The following DSCAML1 variants were observed in gnomAD, a reference collection of about 807,000 sequenced individuals.
DSCAML1 encodes cell adhesion molecule DSCAML1.
Under a neutral mutation model 200.5 loss-of-function variants are expected in DSCAML1, and 38 were observed. The observed-to-expected ratio is 0.19, with a 90% confidence interval of 0.15 to 0.25. DSCAML1 has a LOEUF of 0.25. Ranked by LOEUF, DSCAML1 falls within the 10% of genes least tolerant of loss-of-function variation. DSCAML1 has a pLI of 1.00. For synonymous variants in DSCAML1, 1,215 were observed against 1,165.0 expected (o/e 1.04, Z -0.87); for missense variants, 2,223 against 2,858.8 (o/e 0.78, Z 5.07).
chr11:117,642,021 C>G lies in DSCAML1; in HGVS notation c.512-109499G>C, dbSNP rs555215085. ...GCTAGCAGTCTCCTGCTACCCCACCCTGCCTCTCCCCACTCCAACAGCCCC... is the reference window on the plus strand; with the variant it reads ...GCTAGCAGTCTCCTGCTACCCCACCGTGCCTCTCCCCACTCCAACAGCCCC... On this transcript the variant is annotated intron_variant, in intron 3 of 32. Coordinates refer to ENST00000651296, the MANE Select transcript of DSCAML1 (RefSeq NM_020693.4). This position sits in a 1 kb window ranked among gnomAD's most constrained non-coding sequence, Gnocchi z 4.1. Among the ~76,000 whole-genome samples, 1 of 152,292 alleles carries G rather than the reference C, an allele frequency of 6.6e-6. No homozygotes were observed. The highest frequency in any genetic ancestry group is 1.9e-4 in the East Asian group (1 of 5,176).
intron 3 of DSCAML1, among the ~76,000 whole-genome samples, chr11:117,541,496 T>C (rs1400121702): frequency 2.6e-5 from 4 of 152,198 alleles, no homozygotes; most frequent in Non-Finnish European, 1.5e-5. Context: ...CAACCTGGAC[T>C]CCTGTTCCCA....
At chr11:117,554,147 G>A (rs533681888) in intron 3 of DSCAML1, among the ~76,000 whole-genome samples, 1 of 152,292 alleles carries the variant, frequency 6.6e-6, no homozygotes, top group South Asian at 2.1e-4. Context: ...TCCAGGGGCT[G>A]AGGGGAGGGG....
intron 3 of DSCAML1, among the ~76,000 whole-genome samples, chr11:117,661,678 C>T (rs2052856341): frequency 6.6e-6 from 1 of 152,184 alleles, no homozygotes; most frequent in South Asian, 2.1e-4. Flanking sequence ...TGTGACAAAG[C>T]ATGACTCAGG....
intron 3 of DSCAML1, among the ~76,000 whole-genome samples, chr11:117,766,288 T>C (rs970293757): frequency 2.0e-5 from 3 of 152,236 alleles, no homozygotes; most frequent in Non-Finnish European, 2.9e-5. Flanking sequence ...GTAAGCACCG[T>C]TGGCTTCTTC....
At chr11:117,723,451 T>A (rs556863535) in intron 3 of DSCAML1, among the ~76,000 whole-genome samples, 1 of 152,312 alleles carries the variant, frequency 6.6e-6, no homozygotes, top group African/African-American at 2.4e-5. Context: ...TTACAACAAA[T>A]GCCGTGCTAA....
chr11:117,542,237 A>C (rs1256196113), intron 3 of DSCAML1, among the ~76,000 whole-genome samples: 1 of 152,208 alleles, frequency 6.6e-6, no homozygotes, highest in Non-Finnish European at 1.5e-5. Flanking sequence ...TGAATCCAGC[A>C]GTGAGCCGAG....
At chr11:117,753,298 G>T (rs1370856686) in intron 3 of DSCAML1, among the ~76,000 whole-genome samples, 1 of 152,294 alleles carries the variant, frequency 6.6e-6, no homozygotes, top group Middle Eastern at 3.4e-3. Context: ...ATTTTAGAAA[G>T]AGGTGGTGTG....
intron 6 of DSCAML1, among the ~76,000 whole-genome samples, chr11:117,520,092 G>A (rs2049857118): frequency 6.6e-6 from 1 of 152,238 alleles, no homozygotes; most frequent in Non-Finnish European, 1.5e-5. Context: ...AAACTTGTTT[G>A]TAAGGACAGG....
chr11:117,651,660 C>T (rs1311820578), intron 3 of DSCAML1, among the ~76,000 whole-genome samples: 9 of 133,886 alleles, frequency 6.7e-5, no homozygotes, highest in South Asian at 2.4e-4. Flanking sequence ...TGCAGTGAGC[C>T]GAGATCTTGC....
chr11:117,749,060 T>C (rs529396020), intron 3 of DSCAML1, among the ~76,000 whole-genome samples: 1 of 152,334 alleles, frequency 6.6e-6, no homozygotes, highest in Admixed American at 6.5e-5. Flanking sequence ...TCTGAGGTCT[T>C]CCTTGACTTT....
intron 3 of DSCAML1, among the ~76,000 whole-genome samples, chr11:117,587,259 C>CCCT (rs954927855): frequency 6.8e-6 from 1 of 147,938 alleles, no homozygotes; most frequent in East Asian, 2.0e-4. Context: ...TCCAACCCCC[C>CCCT]CCCACGATTT....
rs1008291727 is a variant in DSCAML1 at position 117,610,849 on chromosome 11, C to T, written c.512-78327G>A. ...AAACCAAACCAAAACAACCCCCCCC[C>T]CCCACAATGTGTTCGTAGACTTCTT... On this transcript the variant is annotated intron_variant, in intron 3 of 32. Coordinates refer to ENST00000651296, the MANE Select transcript of DSCAML1 (RefSeq NM_020693.4). Among the ~76,000 whole-genome samples, 51 of 148,598 alleles carry T rather than the reference C, an allele frequency of 3.4e-4. 2 individuals carry two copies. The highest frequency in any genetic ancestry group is 3.4e-4 in the Admixed American group (5 of 14,494).
chr11:117,668,688 A>G (rs1565863388), intron 3 of DSCAML1: 1 of 152,232 alleles, frequency 6.6e-6, no homozygotes, highest in African/African-American at 2.4e-5. Context: ...TCTGACTGCA[A>G]AGCAACCTGG....
At chr11:117,524,244 G>A (rs1377814090) in intron 5 of DSCAML1, among the ~76,000 whole-genome samples, 1 of 152,226 alleles carries the variant, frequency 6.6e-6, no homozygotes, top group Non-Finnish European at 1.5e-5. Context: ...AACCAGGGTT[G>A]ACATCCAGCT....
At chr11:117,542,245 G>A (rs969214322) in intron 3 of DSCAML1, among the ~76,000 whole-genome samples, 8 of 152,198 alleles carry the variant, frequency 5.3e-5, no homozygotes, top group East Asian at 1.9e-4. Flanking sequence ...GCAGTGAGCC[G>A]AGATCGCATG....
upstream of DSCAML1, among the ~76,000 whole-genome samples, chr11:117,799,882 A>C (rs921965395): frequency 6.6e-6 from 1 of 152,240 alleles, no homozygotes; most frequent in Non-Finnish European, 1.5e-5. Context: ...CTTTGCTCAC[A>C]AGGACCTTGA....
At chr11:117,797,430 G>A (rs1259534247), upstream of DSCAML1, among the ~76,000 whole-genome samples, 4 of 152,198 alleles carry the variant, frequency 2.6e-5, no homozygotes, top group South Asian at 4.1e-4. Context: ...AGAGGCGAGG[G>A]GTCCCTGTCA....
chr11:117,508,880 T>C (rs557307533), intron 8 of DSCAML1, among the ~76,000 whole-genome samples: 1 of 152,014 alleles, frequency 6.6e-6, no homozygotes, highest in Admixed American at 6.5e-5. Flanking sequence ...CATAGTGAAA[T>C]CAGGCAGGAA....
intron 19 of DSCAML1, 117 bp from the exon 20 acceptor site, chr11:117,450,805 T>A (rs1471614371): frequency 1.6e-6 from 2 of 1,255,780 alleles, no homozygotes; most frequent in African/African-American, 3.0e-5. Flanking sequence ...GGAGGTGGCA[T>A]CCTTGAGCTG....
Sources: gnomAD v4.1 joint callset for allele counts (sites outside exome capture counted in the v4.1 genomes callset) on GRCh38, gnomAD v4.1.1 for gene constraint, Gnocchi (gnomAD v3.1) non-coding constraint, MANE v1.5 for transcripts, NCBI Gene and HGNC (gene_info 2026-07-23, HGNC 2026-07-21) for gene names.